EYA4: variants seen among roughly 807,000 people sequenced by gnomAD.
EYA4 encodes EYA transcriptional coactivator and phosphatase 4.
In EYA4, 31 loss-of-function variants were observed where a neutral mutation model predicts 87.9. The observed-to-expected ratio is 0.35, with a 90% CI of 0.27 to 0.48. EYA4 has a LOEUF of 0.48. Among genes scored for constraint, EYA4 ranks in the 20% least tolerant of loss-of-function variants. The probability of loss-of-function intolerance (pLI) is 0.99; values close to 1 mark genes in which losing one functional copy is unlikely to be tolerated. For synonymous variants in EYA4, 263 were observed against 270.6 expected (o/e 0.97, Z 0.28); for missense variants, 678 against 761.4 (o/e 0.89, Z 1.29).
At chr6:133,381,681 A>G (rs1786237258) in intron 2 of EYA4, among the ~76,000 whole-genome samples, 1 of 152,188 alleles carries the variant, frequency 6.6e-6, no homozygotes. Context: ...TTTTAAGACC[A>G]TAATAATCAG....
intron 11 of EYA4, among the ~76,000 whole-genome samples, chr6:133,469,876 T>C (rs1795176906): frequency 1.3e-5 from 2 of 152,134 alleles, no homozygotes; most frequent in African/African-American, 4.8e-5. Flanking sequence ...ACTTTTGCTC[T>C]TCAAAAGACA....
At chr6:133,331,027 G>GTTTTTTTTT (rs71636692) in intron 2 of EYA4, among the ~76,000 whole-genome samples, 1 of 113,702 alleles carries the variant, frequency 8.8e-6, no homozygotes, top group African/African-American at 3.6e-5. Flanking sequence ...AACCAAACGG[G>GTTTTTTTTT]TTTTTTTTTT....
chr6:133,278,330 A>G (rs772084863), intron 2 of EYA4, among the ~76,000 whole-genome samples: 15 of 152,098 alleles, frequency 9.9e-5, no homozygotes, highest in East Asian at 1.9e-4. Context: ...GGCCCTCTGC[A>G]GTGTGCTGCC....
rs370035893 is a variant in EYA4, at chr6:133,345,411, A to G, written c.34-36981A>G. ...GTAAGTATGATGTATATATCTTTGC[A>G]TAGACATATGTACACAAACAAGATT... On this transcript the variant is annotated intron_variant, in intron 2 of 19. Coordinates refer to ENST00000355286, the MANE Select transcript of EYA4 (RefSeq NM_004100.5). Among the ~76,000 whole-genome samples the G allele has an allele frequency of 7.9e-5, 12 of 152,164 alleles. No individual in the cohort carries two copies. In the South Asian group the frequency reaches 1.0e-3, roughly 13 times the overall value.
chr6:133,269,346 C>G (rs1021958149), intron 1 of EYA4, among the ~76,000 whole-genome samples: 5 of 152,154 alleles, frequency 3.3e-5, no homozygotes, highest in African/African-American at 1.2e-4. Flanking sequence ...TATACCCTCC[C>G]TTCCCTTTTC....
rs147889181 is a variant in EYA4, at chr6:133,300,821, G to T, written c.33+26008G>T. Among the ~76,000 whole-genome samples the T allele has an allele frequency of 6.5e-3, 984 of 152,272 alleles. 4 individuals are homozygous for T. The highest frequency in any genetic ancestry group is 0.024 in the Middle Eastern group (7 of 294). On this transcript the variant is annotated intron_variant, in intron 2 of 19. Coordinates refer to ENST00000355286, the MANE Select transcript of EYA4 (RefSeq NM_004100.5). ...AGTGCTTTAATTGATGATAGTGTCA[G>T]AATGGAGGAATATTATGAGACTCTT...
intron 3 of EYA4, among the ~76,000 whole-genome samples, chr6:133,396,148 T>G (rs750028166): frequency 2.6e-5 from 4 of 152,182 alleles, no homozygotes; most frequent in Non-Finnish European, 5.9e-5. Context: ...AAATAATTGT[T>G]CCATTTTTTT....
chr6:133,248,002 A>G (rs942925116), intron 1 of EYA4: 1 of 151,468 alleles, frequency 6.6e-6, no homozygotes, highest in African/African-American at 2.4e-5. Flanking sequence ...AGGTGTGTCT[A>G]CTCTCCCTTC....
At chr6:133,384,231 A>T (rs1786504741) in intron 3 of EYA4, among the ~76,000 whole-genome samples, 1 of 152,192 alleles carries the variant, frequency 6.6e-6, no homozygotes, top group African/African-American at 2.4e-5. Context: ...AGTGTATTTA[A>T]ACCTGGAATT....
intron 6 of EYA4, among the ~76,000 whole-genome samples, chr6:133,460,749 G>A (rs1471904412): frequency 6.6e-6 from 1 of 151,854 alleles, no homozygotes; most frequent in East Asian, 1.9e-4. Context: ...ATCATATTTG[G>A]TATTTTAAAA....
At chr6:133,483,216 T>C in intron 13 of EYA4, 101 bp downstream of exon 13, 1 of 824,800 alleles carries the variant, frequency 1.2e-6, no homozygotes, top group Admixed American at 2.0e-5. Context: ...GTTTTTTTAT[T>C]GCAGTCTGTG....
intron 2 of EYA4, chr6:133,360,279 G>A (rs1784359114): frequency 6.6e-6 from 1 of 152,084 alleles, no homozygotes; most frequent in African/African-American, 2.4e-5. Flanking sequence ...TCAGTGTTAC[G>A]GCTTAGTAGG....
At chr6:133,252,193 T>C (rs56288504) in intron 1 of EYA4, among the ~76,000 whole-genome samples, 3,108 of 152,338 alleles carry the variant, frequency 0.02, 103 homozygotes, top group African/African-American at 0.072. Context: ...TGGGTAAATA[T>C]TCAGTAATAA....
At chr6:133,506,021 C>T in intron 13 of EYA4, 85 bp from the exon 14 acceptor site, 1 of 842,756 alleles carries the variant, frequency 1.2e-6, no homozygotes, top group East Asian at 2.5e-5. Flanking sequence ...CTCCCTCTTC[C>T]ACCACAGCAA....
chr6:133,531,014 C>CTT lies in EYA4; in HGVS notation c.*2211_*2212dup. The CTT allele has an allele frequency of 7.3e-7, 1 of 1,370,424 alleles. No homozygotes were observed. The highest frequency in any genetic ancestry group is 9.4e-7 in the Non-Finnish European group (1 of 1,064,600). The allele number at this position is 1,370,424 out of a possible 1,614,324, so 84.9% of individuals were successfully genotyped here. ...ATTATCTTTACTGTATAGCTGGTTT[C>CTT]TTTAAATGTTGATAGAATTGTGGCA... On this transcript the variant is annotated 3_prime_UTR_variant, in exon 20 of 20. Coordinates refer to ENST00000355286, the MANE Select transcript of EYA4 (RefSeq NM_004100.5).
chr6:133,257,884 A>G (rs1582766305), intron 1 of EYA4, among the ~76,000 whole-genome samples: 1 of 147,738 alleles, frequency 6.8e-6, no homozygotes, highest in East Asian at 2.0e-4. Context: ...TTTATGCACT[A>G]TTGACTATTT....
intron 1 of EYA4, chr6:133,245,373 A>G (rs971136964): frequency 1.3e-5 from 2 of 152,228 alleles, no homozygotes; most frequent in Non-Finnish European, 2.9e-5. Context: ...TTTTTCAGTG[A>G]GAATATAATC....
chr6:133,281,147 A>G (rs1562242754), intron 2 of EYA4, among the ~76,000 whole-genome samples: 1 of 152,054 alleles, frequency 6.6e-6, no homozygotes, highest in African/African-American at 2.4e-5. Flanking sequence ...CCTATGTTAT[A>G]AGGTTACTTC....
intron 3 of EYA4, among the ~76,000 whole-genome samples, chr6:133,395,618 A>T (rs1679644090): frequency 6.6e-6 from 1 of 152,086 alleles, no homozygotes; most frequent in Admixed American, 6.6e-5. Flanking sequence ...AAAATTAGCC[A>T]GGCGTGGTGT....
Sources: allele counts gnomAD v4.1 joint callset (sites outside exome capture counted in the v4.1 genomes callset), GRCh38; gene constraint gnomAD v4.1.1; transcripts MANE v1.5; gene names NCBI Gene and HGNC (gene_info 2026-07-23, HGNC 2026-07-21).